ST7L: variants seen among roughly 807,000 people sequenced by gnomAD.
The protein encoded by ST7L is suppressor of tumorigenicity 7 protein-like.
ST7L carries 57 observed loss-of-function variants against 72.5 expected under a neutral mutation model. That is an observed-to-expected ratio of 0.79 (90% CI 0.64 to 0.98). The LOEUF (loss-of-function observed/expected upper bound fraction) is 0.98, where lower values mean the gene tolerates loss of function less well. ST7L is among the 50% of genes least tolerant of loss of function. The probability of loss-of-function intolerance (pLI) is 0.00; values close to 1 mark genes in which losing one functional copy is unlikely to be tolerated. For missense variants in ST7L, 576 were observed against 672.2 expected, an observed-to-expected ratio of 0.86 and a Z score of 1.58; for synonymous variants, 221 against 240.9, an observed-to-expected ratio of 0.92 and a Z score of 0.77.
chr1:112,600,486 C>T (rs1365129697), intron 4 of ST7L, among the ~76,000 whole-genome samples: 1 of 151,930 alleles, frequency 6.6e-6, no homozygotes. Context: ...GTCCCAGCTA[C>T]TTGGGAGGCT....
chr1:112,585,321 A>T (rs907861057), intron 6 of ST7L, among the ~76,000 whole-genome samples: 4 of 152,220 alleles, frequency 2.6e-5, no homozygotes, highest in African/African-American at 9.6e-5. Flanking sequence ...TGAGCACTTG[A>T]AATGTGATGC....
At chr1:112,597,314 A>T (rs906568512) in intron 5 of ST7L, among the ~76,000 whole-genome samples, 9 of 152,228 alleles carry the variant, frequency 5.9e-5, no homozygotes, top group Non-Finnish European at 1.2e-4. Flanking sequence ...TAGAAGAAAA[A>T]TTGTGATAAA....
chr1:112,619,358 C>A (rs1326765930), upstream of ST7L: 1 of 585,754 alleles, frequency 1.7e-6, no homozygotes, highest in Admixed American at 3.0e-5. Context: ...TGAGATGTGA[C>A]CCCGAAGTGT....
intron 11 of ST7L, among the ~76,000 whole-genome samples, chr1:112,557,843 T>C (rs1557975820): frequency 6.6e-6 from 1 of 152,228 alleles, no homozygotes. Flanking sequence ...AATGTGCCTG[T>C]TAAAGAAGTT....
intron 14 of ST7L, among the ~76,000 whole-genome samples, chr1:112,535,584 T>C (rs992271969): frequency 4.1e-4 from 62 of 151,520 alleles, no homozygotes; most frequent in Non-Finnish European, 6.5e-4. Context: ...TTTTAAAAAT[T>C]AGCCTAGCAT....
chr1:112,581,389 G>T (rs1021201214), intron 9 of ST7L, among the ~76,000 whole-genome samples: 7 of 144,754 alleles, frequency 4.8e-5, no homozygotes, highest in African/African-American at 7.6e-5. Flanking sequence ...TCCTATGAGG[G>T]CTCCCCGTCT....
intron 14 of ST7L, chr1:112,526,417 C>A: frequency 4.3e-6 from 1 of 232,186 alleles, no homozygotes. Flanking sequence ...TAGAAGTAGT[C>A]ATGACAGAAA....
At chr1:112,565,018 G>A (rs138554666) in intron 11 of ST7L, among the ~76,000 whole-genome samples, 1 of 151,102 alleles carries the variant, frequency 6.6e-6, no homozygotes, top group Admixed American at 6.6e-5. Context: ...CAGTTTTATT[G>A]TAAAATAAGA....
intron 11 of ST7L, among the ~76,000 whole-genome samples, chr1:112,559,465 C>A (rs866153259): frequency 6.6e-6 from 1 of 151,686 alleles, no homozygotes. Context: ...AACTCCTGAC[C>A]TCGTGATCCA....
intron 11 of ST7L, among the ~76,000 whole-genome samples, chr1:112,562,454 A>T (rs1036869820): frequency 2.0e-5 from 3 of 151,620 alleles, no homozygotes; most frequent in African/African-American, 7.3e-5. Flanking sequence ...CAGACCAATT[A>T]AAAAAAAAGA....
intron 13 of ST7L, 90 bp from the exon 14 acceptor site, chr1:112,542,180 A>T (rs1417731616): frequency 7.6e-7 from 1 of 1,309,060 alleles, no homozygotes; most frequent in African/African-American, 1.5e-5. Flanking sequence ...GTTTTTAAAA[A>T]TTAAAAAGAA....
chr1:112,580,430 G>C (rs1018214287), intron 9 of ST7L, among the ~76,000 whole-genome samples: 1 of 152,192 alleles, frequency 6.6e-6, no homozygotes, highest in Non-Finnish European at 1.5e-5. Flanking sequence ...TGGAATTACA[G>C]GCATGAGCCA....
intron 14 of ST7L, among the ~76,000 whole-genome samples, chr1:112,534,331 AAAGT>A (rs575532908): frequency 1.3e-5 from 2 of 152,194 alleles, no homozygotes; most frequent in Non-Finnish European, 2.9e-5. Flanking sequence ...ATCATGACTA[AAAGT>A]AATAAGCTAT....
In ST7L at chr1:112,524,531, G is replaced by A. The variant is rs1405479784; in HGVS notation, c.*1482C>T. ...AGCAATCCTGCAGAGCCGCCCCCTG[G>A]GTGCAGAAATGAAATACGGGAGAGC... is the stretch of plus-strand genomic sequence containing the variant. On this transcript the variant is annotated 3_prime_UTR_variant, in exon 15 of 15. Transcript: ENST00000358039. 1 of 152,568 alleles carries A rather than the reference G, an allele frequency of 6.6e-6. No individual in the cohort carries two copies. The highest frequency in any genetic ancestry group is 1.9e-4 in the East Asian group (1 of 5,200). 9.5% of individuals were successfully genotyped at this position (152,568 alleles called of 1,614,324 possible).
At chr1:112,616,263 C>T (rs1669853517) in intron 2 of ST7L, among the ~76,000 whole-genome samples, 2 of 152,100 alleles carry the variant, frequency 1.3e-5, no homozygotes, top group South Asian at 4.1e-4. Context: ...ACACCCCAAG[C>T]CCTCCCTGAC....
rs1397008599 is a variant in ST7L at position 112,610,754 on chromosome 1, C to A, written c.451+87G>T. Reference sequence around the variant, plus strand: ...GGAAACACAAACATGCACACCACAGCACTCTGCTGTTTTGAGTTTTCTATC... The same window carrying A: ...GGAAACACAAACATGCACACCACAGAACTCTGCTGTTTTGAGTTTTCTATC... On this transcript the variant is annotated intron_variant, in intron 3 of 14. Transcript: ENST00000358039. The A allele has an allele frequency of 1.2e-5, 18 of 1,477,434 alleles. 1 individual carries two copies. The South Asian group carries it at 2.1e-4, about 17-fold the overall frequency. 91.5% of individuals were successfully genotyped at this position (1,477,434 alleles called of 1,614,324 possible).
At chr1:112,575,810 G>C (rs1192586753) in intron 11 of ST7L, among the ~76,000 whole-genome samples, 1 of 152,190 alleles carries the variant, frequency 6.6e-6, no homozygotes, top group African/African-American at 2.4e-5. Flanking sequence ...TAAATTTATG[G>C]AACCAGTGTC....
intron 11 of ST7L, among the ~76,000 whole-genome samples, chr1:112,575,923 T>TAA (rs1663026873): frequency 6.6e-6 from 1 of 152,226 alleles, no homozygotes; most frequent in African/African-American, 2.4e-5. Context: ...TACAACATCC[T>TAA]TTTCTTGGAA....
At chr1:112,564,494 T>C (rs554503037) in intron 11 of ST7L, among the ~76,000 whole-genome samples, 53 of 152,176 alleles carry the variant, frequency 3.5e-4, no homozygotes, top group Non-Finnish European at 7.1e-4. Flanking sequence ...GCCGGTGCTA[T>C]GATATAAGTA....
Sources: gnomAD v4.1 joint callset for allele counts (sites outside exome capture counted in the v4.1 genomes callset) on GRCh38, gnomAD v4.1.1 for gene constraint, MANE v1.5 for transcripts, NCBI Gene and HGNC (gene_info 2026-07-23, HGNC 2026-07-21) for gene names.